PCLO: variants seen among roughly 807,000 people sequenced by gnomAD.
PCLO encodes the protein piccolo presynaptic cytomatrix protein, also known as protein piccolo.
Under a neutral mutation model 427.5 loss-of-function variants are expected in PCLO, and 82 were observed. That is an observed-to-expected ratio of 0.19 (90% CI 0.16 to 0.23). PCLO has a LOEUF of 0.23. Among genes scored for constraint, PCLO ranks in the 10% least tolerant of loss-of-function variants. PCLO has a pLI of 1.00. For missense variants in PCLO, 6,239 were observed against 6,115.9 expected, an observed-to-expected ratio of 1.02 and a Z score of -0.67; for synonymous variants, 2,357 against 2,155.4, an observed-to-expected ratio of 1.09 and a Z score of -2.59.
intron 22 of PCLO, among the ~76,000 whole-genome samples, chr7:82,783,904 A>G (rs1404785611): frequency 1.3e-5 from 2 of 150,990 alleles, no homozygotes; most frequent in African/African-American, 4.9e-5. Flanking sequence ...TATTTTAATT[A>G]TATATAATTA....
intron 3 of PCLO, among the ~76,000 whole-genome samples, chr7:82,980,891 G>T (rs1796133551): frequency 6.6e-6 from 1 of 152,100 alleles, no homozygotes; most frequent in South Asian, 2.1e-4. Context: ...TTATCTTATT[G>T]AATCCTCACA....
rs552687324 is a variant in PCLO at position 83,049,374 on chromosome 7, T to C, written c.3301-82887A>G. ...CTACAGTTGAGTGCACAATGGCCAA[T>C]ATGTTGAGAAACAAGATGTTGGGGC... On this transcript the variant is annotated intron_variant, in intron 3 of 24. Coordinates refer to ENST00000333891, the MANE Select transcript of PCLO (RefSeq NM_033026.6). Among the ~76,000 whole-genome samples, 7 of 152,224 alleles carry C rather than the reference T, an allele frequency of 4.6e-5. No homozygotes were observed. The South Asian group carries it at 1.2e-3, about 27-fold the overall frequency.
chr7:83,125,967 G>C (rs1038000587), intron 3 of PCLO, among the ~76,000 whole-genome samples: 2 of 151,930 alleles, frequency 1.3e-5, no homozygotes, highest in African/African-American at 2.4e-5. Flanking sequence ...CCAATATTTG[G>C]AATCAACCTA....
intron 6 of PCLO, among the ~76,000 whole-genome samples, chr7:82,940,489 A>G (rs927833459): frequency 1.3e-5 from 2 of 152,180 alleles, no homozygotes; most frequent in African/African-American, 4.8e-5. Flanking sequence ...ATGATATATT[A>G]GAGAGCTAAA....
chr7:82,856,955 A>G (rs1434851962), intron 10 of PCLO, among the ~76,000 whole-genome samples: 2 of 152,006 alleles, frequency 1.3e-5, no homozygotes, highest in Non-Finnish European at 2.9e-5. Flanking sequence ...TCCAGATACA[A>G]AGGATGAGTT....
chr7:82,852,153 C>T (rs1205707484), intron 10 of PCLO, among the ~76,000 whole-genome samples: 2 of 151,992 alleles, frequency 1.3e-5, no homozygotes, highest in South Asian at 2.1e-4. Flanking sequence ...AGGAGATACA[C>T]TCAGTCATAA....
chr7:83,020,911 A>C (rs1788326823), intron 3 of PCLO, among the ~76,000 whole-genome samples: 1 of 152,186 alleles, frequency 6.6e-6, no homozygotes, highest in African/African-American at 2.4e-5. Context: ...CTATTGTCTC[A>C]GAATCATGCA....
chr7:82,813,929 T>C (rs17284837), intron 20 of PCLO, among the ~76,000 whole-genome samples: 1 of 151,846 alleles, frequency 6.6e-6, no homozygotes, highest in Non-Finnish European at 1.5e-5. Context: ...AGTTTTTCTA[T>C]TGTTATGCCA....
At chr7:83,030,274 T>G (rs974862189) in intron 3 of PCLO, among the ~76,000 whole-genome samples, 2 of 152,100 alleles carry the variant, frequency 1.3e-5, no homozygotes, top group African/African-American at 4.8e-5. Flanking sequence ...GAGCTACAAA[T>G]AATTAATCTT....
intron 17 of PCLO, 140 bp downstream of exon 17, chr7:82,827,733 G>A: frequency 4.0e-6 from 2 of 498,708 alleles, no homozygotes; most frequent in Non-Finnish European, 7.0e-6. Context: ...TTTTCCATTG[G>A]CTACATTTCT....
intron 6 of PCLO, among the ~76,000 whole-genome samples, chr7:82,931,741 T>C (rs1794845191): frequency 1.3e-5 from 2 of 152,202 alleles, no homozygotes; most frequent in South Asian, 2.1e-4. Context: ...ATGGGAGCAA[T>C]AGTCTTTTGT....
At chr7:83,049,027 CAAT>C (rs911159333) in intron 3 of PCLO, among the ~76,000 whole-genome samples, 2 of 152,112 alleles carry the variant, frequency 1.3e-5, no homozygotes, top group African/African-American at 4.8e-5. Context: ...TCCCAAACAA[CAAT>C]AATGTACTCT....
chr7:83,156,360 T>G lies in PCLO; in HGVS notation c.281A>C (p.Lys94Thr). 3 of 1,610,544 alleles carry G rather than the reference T, an allele frequency of 1.9e-6. No homozygotes were observed. Among genetic ancestry groups the G allele is most frequent in the Non-Finnish European group, 2.5e-6 (3 of 1,177,846 alleles). The change falls in exon 2 of 25, where the codon AAG becomes ACG. Residue 94 changes from lysine to threonine, a missense_variant. Lys to Thr is a moderately conservative substitution (Grantham distance 78, BLOSUM62 -1). Around this residue, in one of 5 missense-constraint regions of PCLO, gnomAD observed 4,677 missense variants for 4,468.4 expected, o/e 1.05. Transcript: ENST00000333891. ...KQELDSSHPP[K>T]QSGRPPDPGR... ...AGGGTCCGGGGGTCTTCCTGATTGC[T>G]TTGGAGGATGACTACTATCCAACTC...
rs1185597355 is a variant in PCLO, at chr7:82,954,822, T to C, written c.6131A>G (p.Asp2044Gly). Residue 2044 changes from aspartate (D) to glycine (G), a missense_variant, in exon 5 of 25, where the codon GAC (aspartate) becomes GGC (glycine). By Grantham distance (94) the Asp-to-Gly change is moderately conservative. This residue lies in a region of PCLO where 4,677 missense variants were observed against 4,468.4 expected (regional missense o/e 1.05). Transcript: ENST00000333891. The part of the protein sequence containing the change: ...FIIPESHEIV[D>G]LGTMVTSTEE... ...TGTAGAAGTTACCATAGTACCCAGG[T>C]CCACTATCTCATGGCTTTCTGGGAT... 1 of 1,613,778 alleles carries C rather than the reference T, an allele frequency of 6.2e-7. No homozygotes were observed. The highest frequency in any genetic ancestry group is 2.2e-5 in the East Asian group (1 of 44,862).
At chr7:82,774,766 G>T (rs772375086) in intron 22 of PCLO, among the ~76,000 whole-genome samples, 7 of 152,062 alleles carry the variant, frequency 4.6e-5, no homozygotes, top group Non-Finnish European at 1.0e-4. Flanking sequence ...ATCGCCCAAA[G>T]TCCAACATAT....
At chr7:83,102,666 A>G (rs1358486438) in intron 3 of PCLO, among the ~76,000 whole-genome samples, 1 of 151,928 alleles carries the variant, frequency 6.6e-6, no homozygotes, top group Non-Finnish European at 1.5e-5. Context: ...ATTATCTCCT[A>G]AAGTAATTTT....
At chr7:83,065,293 T>C (rs1789640273) in intron 3 of PCLO, among the ~76,000 whole-genome samples, 1 of 151,980 alleles carries the variant, frequency 6.6e-6, no homozygotes, top group Non-Finnish European at 1.5e-5. Context: ...TTCCTTGCTA[T>C]AGTTATTCTC....
At position 82,955,705 on chromosome 7, in the gene PCLO, C is replaced by G. The variant is rs1443857941; in HGVS notation, c.5248G>C (p.Gly1750Arg). The G allele has an allele frequency of 2.5e-6, 4 of 1,613,804 alleles. No homozygotes were observed. Among genetic ancestry groups the G allele is most frequent in the Non-Finnish European group, 3.4e-6 (4 of 1,179,870 alleles). ...GCTTTGCGTTGCTGTTTGCTCTCTC[C>G]TTTTTTGTGACTCGGGCTACTGTCA... Reference protein sequence around the residue: ...DSDSSPSHKKGESKQQRKARH... With the variant: ...DSDSSPSHKKRESKQQRKARH... Residue 1750 changes from glycine to arginine, a missense_variant, in exon 5 of 25, where the codon GGA becomes CGA. Gly to Arg is a moderately radical substitution (Grantham distance 125). Transcript: ENST00000333891.
intron 1 of PCLO, among the ~76,000 whole-genome samples, chr7:83,159,584 T>C (rs1431233390): frequency 6.6e-6 from 1 of 152,054 alleles, no homozygotes; most frequent in Admixed American, 6.6e-5. Flanking sequence ...TTGTCATCCT[T>C]GGATTAGAAT....
Sources: gnomAD v4.1 joint callset for allele counts (sites outside exome capture counted in the v4.1 genomes callset) on GRCh38, gnomAD v4.1.1 for gene constraint, gnomAD v4.1.1 regional missense constraint, MANE v1.5 for transcripts, NCBI Gene and HGNC (gene_info 2026-07-23, HGNC 2026-07-21) for gene names.